The following TUSC3 variants were observed in gnomAD, a reference collection of about 807,000 sequenced individuals.
TUSC3 encodes the protein dolichyl-diphosphooligosaccharide--protein glycosyltransferase subunit TUSC3.
In TUSC3, 45 loss-of-function variants were observed where a neutral mutation model predicts 44.8. That is an observed-to-expected ratio of 1.00 (90% CI 0.79 to 1.29). TUSC3 has a LOEUF of 1.29. TUSC3 is among the 50% of genes most tolerant of loss of function. The pLI is 0.00. For missense variants in TUSC3, 519 were observed against 437.9 expected (o/e 1.19, Z -1.65); for synonymous variants, 212 against 152.9 (o/e 1.39, Z -2.85).
rs1028068247 is a variant in TUSC3 at position 15,643,989 on chromosome 8, G to T, written c.309-6708G>T. Among the ~76,000 whole-genome samples the T allele has an allele frequency of 5.3e-5, 8 of 152,036 alleles. 1 individual carries two copies. The highest frequency in any genetic ancestry group is 4.6e-4 in the Admixed American group (7 of 15,270). ...AAGACATACAATGGTATTTTCATAC[G>T]AATCTGCTATAAGAAGTTTGATTAA... On this transcript the variant is annotated intron_variant, in intron 2 of 10. Transcript: ENST00000503731.
At chr8:15,675,595 C>T (rs113449753) in intron 6 of TUSC3, among the ~76,000 whole-genome samples, 17 of 152,004 alleles carry the variant, frequency 1.1e-4, no homozygotes, top group South Asian at 6.2e-4. Context: ...TTTTCAGCCC[C>T]TTCCTCCTCT....
the TUSC3 span, among the ~76,000 whole-genome samples, chr8:15,794,914 A>G: frequency 1.3e-5 from 2 of 152,190 alleles, no homozygotes; most frequent in African/African-American, 2.4e-5. Flanking sequence ...AAGTCACAAG[A>G]TATGGATAAA....
intron 6 of TUSC3, among the ~76,000 whole-genome samples, chr8:15,704,854 A>G (rs908585316): frequency 1.3e-5 from 2 of 152,012 alleles, no homozygotes; most frequent in African/African-American, 4.8e-5. Context: ...CTGGGAATCA[A>G]AAGGGTTAAG....
chr8:15,485,464 C>CTTTTTTTTT (rs11372919), intron 2 of TUSC3, among the ~76,000 whole-genome samples: 3 of 135,240 alleles, frequency 2.2e-5, no homozygotes, highest in Non-Finnish European at 3.2e-5. Flanking sequence ...ACTCTGTTGT[C>CTTTTTTTTT]TTTTTTTTTT....
At chr8:15,626,286 G>C (rs1453389137) in intron 2 of TUSC3, among the ~76,000 whole-genome samples, 1 of 152,176 alleles carries the variant, frequency 6.6e-6, no homozygotes, top group South Asian at 2.1e-4. Flanking sequence ...GAAGCTATGG[G>C]GGCCACTGCA....
intron 1 of TUSC3, among the ~76,000 whole-genome samples, chr8:15,572,034 T>G (rs1206618087): frequency 1.3e-5 from 2 of 152,128 alleles, no homozygotes; most frequent in African/African-American, 4.8e-5. Context: ...GAATGGTAAA[T>G]GAACGTTGGC....
intron 2 of TUSC3, among the ~76,000 whole-genome samples, chr8:15,504,501 G>C (rs1801017210): frequency 7.1e-6 from 1 of 140,884 alleles, no homozygotes; most frequent in Non-Finnish European, 1.5e-5. Flanking sequence ...TGCCATATTA[G>C]TTATTGCCCT....
In TUSC3 at chr8:15,540,399, A is replaced by G. The variant is rs1201769819; in HGVS notation, c.-32A>G. 1 of 1,537,086 alleles carries G rather than the reference A, an allele frequency of 6.5e-7. No homozygotes were observed. Among genetic ancestry groups the G allele is most frequent in the Non-Finnish European group, 8.8e-7 (1 of 1,142,138 alleles). ...CGGTAGGAGCTGGGCGCGCACGGCT[A>G]CCGCGCGTGGAGGAGACACTGCCCT... On this transcript the variant is annotated 5_prime_UTR_variant, in exon 1 of 11. Transcript: ENST00000503731.
At chr8:15,420,826 G>A (rs1442264122) in intron 1 of TUSC3, among the ~76,000 whole-genome samples, 2 of 152,018 alleles carry the variant, frequency 1.3e-5, no homozygotes, top group Non-Finnish European at 2.9e-5. Flanking sequence ...TTAGCTCATA[G>A]GTCACTTGTT....
intron 2 of TUSC3, among the ~76,000 whole-genome samples, chr8:15,529,470 C>G (rs1359241074): frequency 2.0e-5 from 3 of 152,052 alleles, no homozygotes; most frequent in Non-Finnish European, 4.4e-5. Flanking sequence ...TGAAATTTCA[C>G]TGAAGATACA....
At chr8:15,707,348 C>G (rs959534862) in intron 6 of TUSC3, among the ~76,000 whole-genome samples, 4 of 151,928 alleles carry the variant, frequency 2.6e-5, no homozygotes, top group Admixed American at 1.3e-4. Context: ...AGAGTCACAT[C>G]ATATAGTCTG....
chr8:15,544,608 T>A (rs1801803130), intron 1 of TUSC3, among the ~76,000 whole-genome samples: 1 of 151,804 alleles, frequency 6.6e-6, no homozygotes, highest in Non-Finnish European at 1.5e-5. Flanking sequence ...TTGGGATGTA[T>A]AATATCCAGT....
At chr8:15,762,902 C>CA (rs1812214647) in intron 10 of TUSC3, among the ~76,000 whole-genome samples, 1 of 24,696 alleles carries the variant, frequency 4.0e-5, no homozygotes, top group Non-Finnish European at 8.3e-5. Flanking sequence ...TTACTGCTGA[C>CA]ATTCTTCATG....
At chr8:15,757,974 T>G (rs1037566310) in intron 10 of TUSC3, 119 bp downstream of exon 10, 1 of 1,494,260 alleles carries the variant, frequency 6.7e-7, no homozygotes, top group South Asian at 1.3e-5. Context: ...GTAAGATAAC[T>G]TTTAACTGTG....
the TUSC3 span, among the ~76,000 whole-genome samples, chr8:15,774,846 G>A: frequency 6.6e-6 from 1 of 152,060 alleles, no homozygotes; most frequent in African/African-American, 2.4e-5. Context: ...TGGTGCAGAT[G>A]TGAAGAAAAT....
At chr8:15,839,596 C>T in the TUSC3 span, among the ~76,000 whole-genome samples, 4 of 152,170 alleles carry the variant, frequency 2.6e-5, no homozygotes, top group Non-Finnish European at 5.9e-5. Flanking sequence ...CAAAAAAAGA[C>T]ATTTATGCAG....
the TUSC3 span, among the ~76,000 whole-genome samples, chr8:15,776,941 A>T: frequency 1.3e-5 from 2 of 152,196 alleles, no homozygotes; most frequent in Admixed American, 6.5e-5. Context: ...TTCAAAAAAA[A>T]AATAATTTAA....
chr8:15,746,631 CT>C (rs1461360293), intron 8 of TUSC3, among the ~76,000 whole-genome samples: 52 of 152,120 alleles, frequency 3.4e-4, no homozygotes, highest in Non-Finnish European at 2.9e-5. Context: ...TAATTATCTT[CT>C]GTCTTACTTG....
chr8:15,645,729 A>G (rs1465039132), intron 2 of TUSC3, among the ~76,000 whole-genome samples: 4 of 152,154 alleles, frequency 2.6e-5, no homozygotes, highest in Non-Finnish European at 5.9e-5. Context: ...TAGTCATTGT[A>G]ACCTTTGAGT....
Sources: allele counts gnomAD v4.1 joint callset (sites outside exome capture counted in the v4.1 genomes callset), GRCh38; gene constraint gnomAD v4.1.1; transcripts MANE v1.5; gene names NCBI Gene and HGNC (gene_info 2026-07-23, HGNC 2026-07-21).